The following ARHGEF3 variants were observed in gnomAD, a reference collection of about 807,000 sequenced individuals.
The protein encoded by ARHGEF3 is Rho guanine nucleotide exchange factor 3.
Under a neutral mutation model 63.2 loss-of-function variants are expected in ARHGEF3, and 28 were observed. That is an observed-to-expected ratio of 0.44 (90% CI 0.33 to 0.61). ARHGEF3 has a LOEUF of 0.61. ARHGEF3 is among the 20% of genes least tolerant of loss of function. The pLI, the probability that ARHGEF3 is intolerant of heterozygous loss-of-function variation, is 0.03. For missense variants in ARHGEF3, 533 were observed against 659.3 expected (o/e 0.81, Z 2.10); for synonymous variants, 266 against 254.2 (o/e 1.05, Z -0.44).
At position 57,003,401 on chromosome 3, in the gene ARHGEF3, C is replaced by CAAAAA. The variant is rs60214570; in HGVS notation, c.62+31682_62+31686dup. Reference sequence around the variant, plus strand: ...CTGGCAACGAAGCGAGACGCCGTCTCAAAAAAAAAAAAAAAAAAAAAAAAA... The same window carrying CAAAAA: ...CTGGCAACGAAGCGAGACGCCGTCTCAAAAAAAAAAAAAAAAAAAAAAAAAAAAAA... On this transcript the variant is annotated intron_variant, in intron 2 of 12. Coordinates refer to the ARHGEF3 transcript ENST00000338458. 5.9e-4 allele frequency among the ~76,000 whole-genome samples: 26 copies of CAAAAA among 43,728 alleles called. 1 individual carries two copies. The highest frequency in any genetic ancestry group is 2.3e-3 in the African/African-American group (24 of 10,244). 28.7% of individuals were successfully genotyped at this position (43,728 alleles called of 152,430 possible).
chr3:56,961,072 T>A (rs2106760621), intron 2 of ARHGEF3, among the ~76,000 whole-genome samples: 1 of 152,326 alleles, frequency 6.6e-6, no homozygotes, highest in African/African-American at 2.4e-5. Context: ...CAGATTCAAT[T>A]ACAGATGTGC....
chr3:56,955,792 A>G (rs1700019071), intron 3 of ARHGEF3, among the ~76,000 whole-genome samples: 2 of 152,168 alleles, frequency 1.3e-5, no homozygotes, highest in South Asian at 4.1e-4. Flanking sequence ...TCGTTCTTCA[A>G]TTTTAATTAC....
chr3:57,028,019 A>G (rs1475714347), intron 2 of ARHGEF3, among the ~76,000 whole-genome samples: 3 of 151,872 alleles, frequency 2.0e-5, no homozygotes, highest in African/African-American at 7.3e-5. Context: ...TTAGAATGGC[A>G]ATCATTAAAA....
chr3:56,982,265 A>G (rs1330269468), intron 2 of ARHGEF3, among the ~76,000 whole-genome samples: 1 of 152,178 alleles, frequency 6.6e-6, no homozygotes, highest in African/African-American at 2.4e-5. Flanking sequence ...AAAAAAAAAA[A>G]AAAAGTAAGC....
intron 3 of ARHGEF3, 140 bp downstream of exon 3, chr3:56,754,841 A>C (rs926267093): frequency 4.4e-6 from 5 of 1,139,364 alleles, no homozygotes; most frequent in Non-Finnish European, 6.1e-6. Flanking sequence ...TCCTTCCCCA[A>C]GGTCAGACAC....
chr3:56,751,364 T>A lies in ARHGEF3; in HGVS notation c.471A>T (p.Ile157=). The change falls in exon 5 of 10, where the codon ATA becomes ATT. Residue 157 remains isoleucine, a synonymous_variant. Coordinates refer to ENST00000296315, the MANE Select transcript of ARHGEF3 (RefSeq NM_019555.3). Reference sequence around the variant, plus strand: ...TTTGATTCAACTCTTGTTCTGTCATTATGGAGAGTTTCAGCATGGGGTCAT... The same window carrying A: ...TTTGATTCAACTCTTGTTCTGTCATAATGGAGAGTTTCAGCATGGGGTCAT... ...AYHDPMLKLS[I]MTEQELNQIF... is the part of the protein sequence containing the mutation. 6.2e-7 allele frequency: 1 copy of A among 1,614,070 alleles called. No individual in the cohort carries two copies. The highest frequency in any genetic ancestry group is 8.5e-7 in the Non-Finnish European group (1 of 1,179,946).
chr3:56,927,876 T>A (rs2042317080), intron 3 of ARHGEF3, among the ~76,000 whole-genome samples: 1 of 152,238 alleles, frequency 6.6e-6, no homozygotes, highest in Non-Finnish European at 1.5e-5. Flanking sequence ...AATTTTACAT[T>A]TGTTTTTACA....
intron 4 of ARHGEF3, among the ~76,000 whole-genome samples, chr3:56,865,072 A>T (rs1465215999): frequency 2.0e-5 from 3 of 152,114 alleles, no homozygotes. Context: ...ATTTCCAGAC[A>T]CATTCTTCAT....
intron 4 of ARHGEF3, among the ~76,000 whole-genome samples, chr3:56,826,377 G>A (rs922552662): frequency 2.0e-5 from 3 of 152,098 alleles, no homozygotes; most frequent in African/African-American, 7.2e-5. Flanking sequence ...ACATAAATGA[G>A]TAGCTGCCTT....
intron 2 of ARHGEF3, among the ~76,000 whole-genome samples, chr3:56,768,274 G>A (rs984505957): frequency 4.6e-5 from 7 of 152,040 alleles, no homozygotes; most frequent in Non-Finnish European, 8.8e-5. Flanking sequence ...GGCCAGGTTG[G>A]TCTCGAACTC....
At chr3:56,857,056 AG>A (rs1473487490) in intron 4 of ARHGEF3, among the ~76,000 whole-genome samples, 3 of 152,138 alleles carry the variant, frequency 2.0e-5, no homozygotes, top group Non-Finnish European at 4.4e-5. Context: ...GCCAAGATAA[AG>A]GCAATAATTT....
At chr3:56,738,858 AG>A (rs1420641884) in intron 7 of ARHGEF3, among the ~76,000 whole-genome samples, 1 of 152,110 alleles carries the variant, frequency 6.6e-6, no homozygotes, top group Non-Finnish European at 1.5e-5. Flanking sequence ...TGGGAAGCCA[AG>A]GAAGGCATAT....
At chr3:56,831,638 G>C (rs2038933867) in intron 4 of ARHGEF3, among the ~76,000 whole-genome samples, 1 of 152,238 alleles carries the variant, frequency 6.6e-6, no homozygotes. Flanking sequence ...ATCTACACTA[G>C]ACCACTGGAG....
At chr3:57,030,836 C>T (rs1703701291) in intron 2 of ARHGEF3, among the ~76,000 whole-genome samples, 1 of 152,230 alleles carries the variant, frequency 6.6e-6, no homozygotes. Flanking sequence ...GAAATAGAAG[C>T]AGCAAGAAAT....
chr3:56,910,140 A>G (rs534921985), intron 3 of ARHGEF3, among the ~76,000 whole-genome samples: 2 of 152,240 alleles, frequency 1.3e-5, no homozygotes, highest in East Asian at 3.9e-4. Context: ...TCCTTTACCC[A>G]ACTCCAGAGG....
chr3:56,931,210 A>T (rs1330748418), intron 3 of ARHGEF3, among the ~76,000 whole-genome samples: 1 of 152,238 alleles, frequency 6.6e-6, no homozygotes, highest in Non-Finnish European at 1.5e-5. Flanking sequence ...AAGAAAAAAC[A>T]CATTAGACTA....
intron 3 of ARHGEF3, chr3:56,882,373 A>C: frequency 6.4e-7 from 1 of 1,551,302 alleles, no homozygotes; most frequent in Non-Finnish European, 8.7e-7. Context: ...CAAACGAAAA[A>C]ACAAAGTTCA....
At chr3:56,938,506 G>C (rs1423496882) in intron 3 of ARHGEF3, 1 of 152,150 alleles carries the variant, frequency 6.6e-6, no homozygotes, top group East Asian at 1.9e-4. Context: ...AGAAGGGATG[G>C]AAGGAGCAAA....
chr3:56,856,309 GAGTCAAC>G (rs1178852187), intron 4 of ARHGEF3, among the ~76,000 whole-genome samples: 1 of 152,212 alleles, frequency 6.6e-6, no homozygotes, highest in African/African-American at 2.4e-5. Context: ...TAAGGACAGT[GAGTCAAC>G]ATTTTTGGAA....
Sources: allele counts gnomAD v4.1 joint callset (sites outside exome capture counted in the v4.1 genomes callset), GRCh38; gene constraint gnomAD v4.1.1; transcripts MANE v1.5; gene names NCBI Gene and HGNC (gene_info 2026-07-23, HGNC 2026-07-21).